The following LRCH1 variants were observed in gnomAD, a reference collection of about 807,000 sequenced individuals.
LRCH1 encodes leucine-rich repeat and calponin homology domain-containing protein 1.
LRCH1 carries 23 observed loss-of-function variants against 94.9 expected under a neutral mutation model. The observed-to-expected ratio is 0.24, with a 90% confidence interval of 0.17 to 0.34. LRCH1 has a LOEUF of 0.34. LRCH1 is among the 10% of genes least tolerant of loss of function. The pLI is 1.00. For missense variants in LRCH1, 790 were observed against 945.9 expected (o/e 0.84, Z 2.16); for synonymous variants, 364 against 354.9 (o/e 1.03, Z -0.29).
At position 46,567,998 on chromosome 13, in the gene LRCH1, T is replaced by C. The variant is rs918295708; in HGVS notation, c.307+14295T>C. 2.0e-5 allele frequency among the ~76,000 whole-genome samples: 3 copies of C among 152,238 alleles called. No homozygotes were observed. In the East Asian group the frequency reaches 5.8e-4, roughly 29 times the overall value. ...CAAGTGGTTCCATAGTTTCTGTGTG[T>C]GTGCTTTCTTGTGTTTCTGTGTCTC... On this transcript the variant is annotated intron_variant, in intron 1 of 19. Coordinates refer to ENST00000389797, the MANE Select transcript of LRCH1 (RefSeq NM_001164211.2).
At chr13:46,562,046 C>G (rs1439171651) in intron 1 of LRCH1, among the ~76,000 whole-genome samples, 1 of 152,088 alleles carries the variant, frequency 6.6e-6, no homozygotes, top group Non-Finnish European at 1.5e-5. Flanking sequence ...GCTTCCATGC[C>G]CAGGACAGAA....
At chr13:46,710,995 A>G (rs1872032561) in intron 13 of LRCH1, among the ~76,000 whole-genome samples, 1 of 151,782 alleles carries the variant, frequency 6.6e-6, no homozygotes, top group African/African-American at 2.4e-5. Flanking sequence ...CCATCTGGCC[A>G]CTCTCATGGA....
Position 46,734,731 on chromosome 13 carries a change from T to C in LRCH1, c.2085+733T>C, listed in dbSNP as rs17068741. On this transcript the variant is annotated intron_variant, in intron 19 of 19. Transcript: ENST00000389797. ...CAGACAGGAGGCCATCCACTCAGAATATGGAGTAGCCATATAAATTGAGGA... is the reference window on the plus strand; with the variant it reads ...CAGACAGGAGGCCATCCACTCAGAACATGGAGTAGCCATATAAATTGAGGA... 8.1e-3 allele frequency among the ~76,000 whole-genome samples: 1,231 copies of C among 152,328 alleles called. 51 individuals carry two copies. Among genetic ancestry groups the C allele is most frequent in the Admixed American group, 0.067 (1,024 of 15,300 alleles).
At chr13:46,747,741 A>AT (rs111283853), downstream of LRCH1, among the ~76,000 whole-genome samples, 8,918 of 144,472 alleles carry the variant, frequency 0.062, 671 homozygotes, top group African/African-American at 0.18. Context: ...ATGCTTTGTA[A>AT]TTTTTTTTTT....
intron 1 of LRCH1, among the ~76,000 whole-genome samples, chr13:46,583,267 A>T (rs899686357): frequency 6.6e-5 from 10 of 152,260 alleles, no homozygotes; most frequent in Non-Finnish European, 1.3e-4. Context: ...GCATGCTGAA[A>T]GCACTAATAT....
chr13:46,647,987 A>G (rs1035440250), intron 1 of LRCH1, among the ~76,000 whole-genome samples: 52 of 152,112 alleles, frequency 3.4e-4, no homozygotes, highest in African/African-American at 1.2e-3. Flanking sequence ...TTTCAGGATG[A>G]CTGAAGCGCA....
In LRCH1 at chr13:46,633,118, G is replaced by A. The variant is rs140044950; in HGVS notation, c.308-17083G>A. On this transcript the variant is annotated intron_variant, in intron 1 of 19. Coordinates refer to ENST00000389797, the MANE Select transcript of LRCH1 (RefSeq NM_001164211.2). ...AAAAAATGTCTTTCTTATCAGTGCT[G>A]CCCTAGCTAAATGTGAACTTTAAAA... 1.4e-4 allele frequency among the ~76,000 whole-genome samples: 21 copies of A among 152,262 alleles called. No homozygotes were observed. In the East Asian group the frequency reaches 4.1e-3, roughly 29 times the overall value.
intron 2 of LRCH1, among the ~76,000 whole-genome samples, chr13:46,665,123 TAC>T (rs2051498177): frequency 1.3e-5 from 2 of 152,316 alleles, no homozygotes; most frequent in African/African-American, 4.8e-5. Flanking sequence ...TCACTGAAAA[TAC>T]AGAGGTATAT....
At chr13:46,593,972 T>C (rs919077085) in intron 1 of LRCH1, among the ~76,000 whole-genome samples, 5 of 152,124 alleles carry the variant, frequency 3.3e-5, no homozygotes, top group African/African-American at 1.2e-4. Context: ...GAGTCTTAGG[T>C]CTATAGCCAC....
intron 13 of LRCH1, chr13:46,705,746 A>G (rs1871726313): frequency 3.1e-6 from 1 of 323,810 alleles, no homozygotes; most frequent in Middle Eastern, 1.1e-3. Flanking sequence ...GTCGAGGAGG[A>G]TTGAGAGAAT....
At chr13:46,687,636 A>G (rs1471659950) in intron 5 of LRCH1, among the ~76,000 whole-genome samples, 1 of 152,228 alleles carries the variant, frequency 6.6e-6, no homozygotes, top group African/African-American at 2.4e-5. Flanking sequence ...AAAAAATGGG[A>G]AATTGCTTAA....
intron 1 of LRCH1, among the ~76,000 whole-genome samples, chr13:46,563,055 GC>G (rs146604614): frequency 0.028 from 4,217 of 152,296 alleles, 181 homozygotes; most frequent in African/African-American, 0.096. Context: ...TGTTCGATAA[GC>G]AATGTTACAT....
chr13:46,616,539 A>G (rs1190990353), intron 1 of LRCH1, among the ~76,000 whole-genome samples: 1 of 152,226 alleles, frequency 6.6e-6, no homozygotes, highest in Non-Finnish European at 1.5e-5. Flanking sequence ...GTCTTGAGTC[A>G]CTTACTTCCA....
intron 2 of LRCH1, among the ~76,000 whole-genome samples, chr13:46,667,541 G>T (rs865920409): frequency 7.9e-6 from 1 of 126,902 alleles, no homozygotes; most frequent in Non-Finnish European, 1.6e-5. Flanking sequence ...TGGGGGGAGG[G>T]GGGGAGGGAT....
intron 1 of LRCH1, among the ~76,000 whole-genome samples, chr13:46,586,504 T>A (rs2050436815): frequency 6.6e-6 from 1 of 152,152 alleles, no homozygotes; most frequent in African/African-American, 2.4e-5. Flanking sequence ...CAGCTTCCAC[T>A]TCCCCAGGCT....
At chr13:46,592,757 A>G (rs2137965088) in intron 1 of LRCH1, among the ~76,000 whole-genome samples, 1 of 152,250 alleles carries the variant, frequency 6.6e-6, no homozygotes, top group East Asian at 1.9e-4. Flanking sequence ...GAGCTGAAGA[A>G]TGTTTGGTGA....
chr13:46,739,364 T>A (rs1873541065), intron 19 of LRCH1, among the ~76,000 whole-genome samples: 1 of 152,256 alleles, frequency 6.6e-6, no homozygotes, highest in African/African-American at 2.4e-5. Flanking sequence ...AACTGTGTTT[T>A]ACAAATGGCT....
intron 1 of LRCH1, among the ~76,000 whole-genome samples, chr13:46,623,624 CA>C (rs1302470834): frequency 1.3e-5 from 2 of 149,350 alleles, no homozygotes; most frequent in African/African-American, 4.9e-5. Context: ...CCAATCTGAT[CA>C]TTTGTTCCAC....
chr13:46,658,640 C>A (rs924687870), intron 2 of LRCH1, among the ~76,000 whole-genome samples: 1 of 152,040 alleles, frequency 6.6e-6, no homozygotes, highest in Non-Finnish European at 1.5e-5. Context: ...CCACCATGCC[C>A]AGCTAATTTT....
Sources: allele counts gnomAD v4.1 joint callset (sites outside exome capture counted in the v4.1 genomes callset), GRCh38; gene constraint gnomAD v4.1.1; transcripts MANE v1.5; gene names NCBI Gene and HGNC (gene_info 2026-07-23, HGNC 2026-07-21).